The following SAMMSON variants were observed in gnomAD, a reference collection of about 807,000 sequenced individuals.
The protein encoded by SAMMSON is long intergenic non-protein coding RNA 1212.
At chr3:70,219,483 A>G (rs1161521690) in intron 4 of SAMMSON, among the ~76,000 whole-genome samples, 1 of 152,178 alleles carries the variant, frequency 6.6e-6, no homozygotes, top group Admixed American at 6.5e-5. Context: ...TTGTTACCAT[A>G]AACAGAAGAA....
intron 4 of SAMMSON, among the ~76,000 whole-genome samples, chr3:70,157,122 A>G (rs1314472896): frequency 6.6e-6 from 1 of 152,138 alleles, no homozygotes; most frequent in African/African-American, 2.4e-5. Context: ...TACTTTACAA[A>G]TACCTTAATA....
intron 4 of SAMMSON, among the ~76,000 whole-genome samples, chr3:70,211,125 G>C (rs529857565): frequency 1.3e-5 from 2 of 151,876 alleles, no homozygotes; most frequent in African/African-American, 2.4e-5. Context: ...ATAAGTACTA[G>C]GTCCTCTGAT....
downstream of SAMMSON, among the ~76,000 whole-genome samples, chr3:70,391,429 G>T (rs189006874): frequency 2.0e-5 from 3 of 151,838 alleles, no homozygotes; most frequent in Non-Finnish European, 4.4e-5. Context: ...CCTATTTTCT[G>T]GGTTCTCAAG....
chr3:70,222,807 C>T (rs1701472749), intron 4 of SAMMSON, among the ~76,000 whole-genome samples: 1 of 152,104 alleles, frequency 6.6e-6, no homozygotes, highest in Admixed American at 6.6e-5. Flanking sequence ...TATTTCCTCC[C>T]TAAGATAGCT....
rs1701929925 is a variant in SAMMSON, at chr3:70,267,576, GTATT to G, written n.674+17908_674+17911del. 9.1e-5 allele frequency among the ~76,000 whole-genome samples: 9 copies of G among 98,656 alleles called. No homozygotes were observed. The Admixed American group carries it at 9.2e-4, about 10-fold the overall frequency. The allele number at this position is 98,656 out of a possible 152,430, so 64.7% of individuals were successfully genotyped here. A position where few individuals can be genotyped will look rare whatever the true frequency, so the allele number is the denominator to read the frequency against. On this transcript the variant is annotated intron_variant and non_coding_transcript_variant, in intron 6 of 9. Transcript: ENST00000642114. The stretch of plus-strand genomic sequence containing the variant: ...CGCCACCATGCCCGGCTAATTTTTT[GTATT>G]TTTTTTTTTTTTTTTTTAGTAAAGA...
intron 4 of SAMMSON, among the ~76,000 whole-genome samples, chr3:70,078,775 TGGG>T (rs2067257963): frequency 6.6e-6 from 1 of 152,180 alleles, no homozygotes; most frequent in East Asian, 1.9e-4. Flanking sequence ...CTTAAGTTGT[TGGG>T]CACGTTCAGG....
chr3:70,211,538 TTCCCTTCCC>T (rs2106729041), intron 4 of SAMMSON, among the ~76,000 whole-genome samples: 1 of 48,940 alleles, frequency 2.0e-5, no homozygotes, highest in East Asian at 9.6e-4. Context: ...CCCTTTGCCC[TTCCCTTCCC>T]TTCCCTTCCC....
chr3:70,406,455 T>A (rs184024945), intron 2 of SAMMSON, among the ~76,000 whole-genome samples: 2 of 152,272 alleles, frequency 1.3e-5, no homozygotes, highest in Admixed American at 1.3e-4. Context: ...TGGAAAAATT[T>A]AAAAGAATTT....
At chr3:70,245,785 T>C (rs963465367) in intron 4 of SAMMSON, among the ~76,000 whole-genome samples, 1 of 146,270 alleles carries the variant, frequency 6.8e-6, no homozygotes, top group Non-Finnish European at 1.5e-5. Flanking sequence ...ATCATGAAGG[T>C]TGACAATTTA....
chr3:70,381,051 A>G (rs1703061969), intron 9 of SAMMSON, among the ~76,000 whole-genome samples: 1 of 152,152 alleles, frequency 6.6e-6, no homozygotes. Context: ...TCCTTTGGGT[A>G]TATACCCAGT....
chr3:70,380,989 T>A (rs903863825), intron 9 of SAMMSON, among the ~76,000 whole-genome samples: 3 of 152,228 alleles, frequency 2.0e-5, no homozygotes, highest in African/African-American at 7.2e-5. Context: ...TTGTGAATTG[T>A]GCTGCAATAA....
intron 3 of SAMMSON, among the ~76,000 whole-genome samples, chr3:70,021,928 A>G (rs2067015011): frequency 6.6e-6 from 1 of 152,116 alleles, no homozygotes; most frequent in Admixed American, 6.6e-5. Flanking sequence ...TGAAATCTTC[A>G]TCAACATTTT....
intron 3 of SAMMSON, among the ~76,000 whole-genome samples, chr3:70,031,416 G>T (rs2067065761): frequency 6.6e-6 from 1 of 151,974 alleles, no homozygotes; most frequent in South Asian, 2.1e-4. Flanking sequence ...TATTTAATGG[G>T]TACAAAGTTT....
intron 3 of SAMMSON, among the ~76,000 whole-genome samples, chr3:70,051,460 A>G (rs965454802): frequency 2.2e-4 from 33 of 147,068 alleles, no homozygotes; most frequent in East Asian, 1.1e-3. Context: ...GGCAAAAACC[A>G]CAATTACTTT....
intron 3 of SAMMSON, chr3:70,070,118 A>G (rs575980488): frequency 3.6e-4 from 55 of 152,236 alleles, no homozygotes; most frequent in Admixed American, 4.6e-4. Flanking sequence ...TAAAAATCAT[A>G]CAGAAGTAAT....
chr3:70,271,034 A>C (rs1701971548), intron 6 of SAMMSON, among the ~76,000 whole-genome samples: 1 of 152,198 alleles, frequency 6.6e-6, no homozygotes, highest in Admixed American at 6.5e-5. Flanking sequence ...CAAGTATAAT[A>C]ATAAAAAAGA....
At chr3:70,092,902 G>GTTTTTTTTTTTTTT (rs5849939) in intron 4 of SAMMSON, among the ~76,000 whole-genome samples, 3 of 138,170 alleles carry the variant, frequency 2.2e-5, no homozygotes, top group Non-Finnish European at 1.5e-5. Flanking sequence ...TAGTGTTTTT[G>GTTTTTTTTTTTTTT]TTTTTTTTTT....
intron 4 of SAMMSON, among the ~76,000 whole-genome samples, chr3:70,156,865 T>A (rs2067594062): frequency 6.6e-6 from 1 of 152,120 alleles, no homozygotes; most frequent in African/African-American, 2.4e-5. Context: ...TCAACTGTAG[T>A]CCATGGCTTC....
chr3:70,137,964 A>C (rs968471114), intron 4 of SAMMSON, among the ~76,000 whole-genome samples: 1 of 152,220 alleles, frequency 6.6e-6, no homozygotes, highest in Non-Finnish European at 1.5e-5. Flanking sequence ...ATATACATTC[A>C]TGTTGTTCTG....
Sources: gnomAD v4.1 joint callset for allele counts (sites outside exome capture counted in the v4.1 genomes callset) on GRCh38, gnomAD v4.1.1 for gene constraint, MANE v1.5 for transcripts, NCBI Gene and HGNC (gene_info 2026-07-23, HGNC 2026-07-21) for gene names.